Variants in CFAP251 observed in about 807,000 individuals in gnomAD.
CFAP251 encodes the protein cilia and flagella associated protein 251, also known as cilia- and flagella-associated protein 251.
CFAP251 carries 93 observed loss-of-function variants against 126.7 expected under a neutral mutation model. The observed-to-expected ratio is 0.73, with a 90% CI of 0.62 to 0.87. The LOEUF (loss-of-function observed/expected upper bound fraction) is 0.87. Ranked by LOEUF, CFAP251 falls within the 40% of genes least tolerant of loss-of-function variation. The pLI is 0.00. For synonymous variants in CFAP251, 503 were observed against 506.9 expected (o/e 0.99, Z 0.10); for missense variants, 1,287 against 1,389.2 (o/e 0.93, Z 1.17).
At position 121,957,066 on chromosome 12, in the gene CFAP251, C is replaced by T; in HGVS notation, c.1536-8C>T. The stretch of plus-strand genomic sequence containing the variant: ...TATTTGCAAAACTGATGTTATTCTC[C>T]ATTTCAGCTACATTGTCACAGGTGA... On this transcript the variant is annotated splice_region_variant and splice_polypyrimidine_tract_variant and intron_variant, in intron 10 of 21. Coordinates refer to ENST00000288912, the MANE Select transcript of CFAP251 (RefSeq NM_144668.6). 6.4e-7 allele frequency: 1 copy of T among 1,570,156 alleles called. No individual in the cohort carries two copies. The highest frequency in any genetic ancestry group is 8.6e-7 in the Non-Finnish European group (1 of 1,158,896).
intron 16 of CFAP251, among the ~76,000 whole-genome samples, chr12:121,967,696 C>T (rs1048119509): frequency 2.6e-5 from 4 of 151,952 alleles, no homozygotes; most frequent in East Asian, 1.9e-4. Flanking sequence ...AGTGAGACTC[C>T]GTCAAAAAAA....
intron 17 of CFAP251, among the ~76,000 whole-genome samples, chr12:121,973,245 C>T (rs1041451096): frequency 3.3e-5 from 5 of 152,296 alleles, no homozygotes; most frequent in South Asian, 2.1e-4. Context: ...GCTTTCATGA[C>T]GTGTTGAGCC....
Position 121,921,542 on chromosome 12 carries a change from A to G in CFAP251, c.237A>G (p.Glu79=). ...AGATTGTCATGGAAGAAACTGAGGAAAAGGCTGGAGAAGTCCAAGAGAAGG... is the reference window on the plus strand; with the variant it reads ...AGATTGTCATGGAAGAAACTGAGGAGAAGGCTGGAGAAGTCCAAGAGAAGG... ...DKKIVMEETE[E]KAGEVQEKEA... The change falls in exon 2 of 22, where the codon GAA becomes GAG. Residue 79 remains glutamate, a synonymous_variant. Transcript: ENST00000288912. 6.2e-7 allele frequency: 1 copy of G among 1,613,696 alleles called. No homozygotes were observed. Among genetic ancestry groups the G allele is most frequent in the Non-Finnish European group, 8.5e-7 (1 of 1,179,940 alleles).
Position 121,968,124 on chromosome 12 carries a change from CG to C in CFAP251, c.2729del (p.Gly910GlufsTer14). On this transcript the variant is annotated frameshift_variant, in exon 17 of 22. Transcript: ENST00000288912. LOFTEE classifies it high-confidence loss of function. ...VSYDGCYAFT[A>X]GGHDRSVVQW... is the part of the protein sequence containing the mutation. The stretch of plus-strand genomic sequence containing the variant: ...TATGATGGCTGCTACGCCTTCACTG[CG>C]GGAGGGCACGATCGCTCGGTGGTGC... 1 of 1,612,796 alleles carries C rather than the reference CG, an allele frequency of 6.2e-7. No individual in the cohort carries two copies. Among genetic ancestry groups the C allele is most frequent in the Non-Finnish European group, 8.5e-7 (1 of 1,179,014 alleles).
intron 7 of CFAP251, chr12:121,948,377 A>G (rs1481245623): frequency 6.6e-6 from 1 of 152,154 alleles, no homozygotes; most frequent in Non-Finnish European, 1.5e-5. Context: ...TGCTTGTTCC[A>G]ATTTATTTTA....
chr12:121,961,887 A>G, intron 14 of CFAP251, 91 bp from the exon 15 acceptor site: 1 of 1,341,572 alleles, frequency 7.5e-7, no homozygotes. Context: ...GCTGATAATT[A>G]TAAAGGCTGT....
At chr12:121,943,914 A>G (rs1276882150) in intron 7 of CFAP251, among the ~76,000 whole-genome samples, 1 of 152,184 alleles carries the variant, frequency 6.6e-6, no homozygotes, top group Non-Finnish European at 1.5e-5. Flanking sequence ...ATTATTAAAT[A>G]ATTTGTCTAA....
chr12:121,959,950 A>AC (rs1565913643), intron 13 of CFAP251, among the ~76,000 whole-genome samples: 1 of 151,490 alleles, frequency 6.6e-6, no homozygotes, highest in South Asian at 2.1e-4. Context: ...ATGGTGAGAC[A>AC]CCCCCCATCT....
chr12:121,981,807 G>C (rs1409770115), intron 19 of CFAP251, among the ~76,000 whole-genome samples: 1 of 152,172 alleles, frequency 6.6e-6, no homozygotes, highest in Non-Finnish European at 1.5e-5. Context: ...AGGCAGCTCT[G>C]GGTTTGAATC....
intron 5 of CFAP251, among the ~76,000 whole-genome samples, chr12:121,941,799 A>C (rs1186196872): frequency 6.6e-6 from 1 of 152,196 alleles, no homozygotes; most frequent in Non-Finnish European, 1.5e-5. Context: ...CCTAGGAAAA[A>C]GTCGTAAGGG....
At chr12:121,941,386 TGCGGTG>T (rs1027232241) in intron 5 of CFAP251, among the ~76,000 whole-genome samples, 11 of 132,742 alleles carry the variant, frequency 8.3e-5, no homozygotes, top group Non-Finnish European at 7.7e-5. Flanking sequence ...CAGGCTGGAG[TGCGGTG>T]GCGTGATCTT....
At chr12:121,969,448 C>T (rs971164391) in intron 17 of CFAP251, 1 of 985,040 alleles carries the variant, frequency 1.0e-6, no homozygotes, top group Non-Finnish European at 1.2e-6. Context: ...ACCATGGGGG[C>T]AAGCCACACC....
At chr12:121,927,418 C>T (rs1395095753) in intron 3 of CFAP251, among the ~76,000 whole-genome samples, 1 of 152,016 alleles carries the variant, frequency 6.6e-6, no homozygotes, top group Non-Finnish European at 1.5e-5. Context: ...CTGCCTCAGC[C>T]TCTCATGTAG....
At chr12:121,952,073 G>C (rs1881549313) in intron 9 of CFAP251, among the ~76,000 whole-genome samples, 1 of 151,656 alleles carries the variant, frequency 6.6e-6, no homozygotes, top group Middle Eastern at 3.2e-3. Context: ...ATAAAAACGT[G>C]ATGGCTTTTA....
intron 5 of CFAP251, among the ~76,000 whole-genome samples, chr12:121,937,536 A>G (rs1880942133): frequency 6.6e-6 from 1 of 152,204 alleles, no homozygotes; most frequent in Non-Finnish European, 1.5e-5. Context: ...CCAGGCCATG[A>G]TAGAGGATCC....
intron 20 of CFAP251, among the ~76,000 whole-genome samples, chr12:122,000,539 G>A (rs1406601532): frequency 5.1e-5 from 7 of 135,984 alleles, no homozygotes; most frequent in African/African-American, 1.3e-4. Flanking sequence ...GTGACAGAGC[G>A]AGACTGTCAA....
At chr12:121,976,255 C>T (rs1427569168) in intron 19 of CFAP251, among the ~76,000 whole-genome samples, 9 of 152,094 alleles carry the variant, frequency 5.9e-5, no homozygotes, top group Non-Finnish European at 1.0e-4. Flanking sequence ...GTGATCTGCC[C>T]GCCTCGGCCT....
rs761164559 is a variant in CFAP251, at chr12:121,931,847, C to T, written c.849C>T (p.Ile283=). The T allele has an allele frequency of 6.2e-7, 1 of 1,603,500 alleles. No individual in the cohort carries two copies. Among genetic ancestry groups the T allele is most frequent in the Admixed American group, 1.7e-5 (1 of 58,158 alleles). Residue 283 remains isoleucine (I), a synonymous_variant, in exon 4 of 22, where the codon ATC becomes ATT. Transcript: ENST00000288912. ...VLLYVCAHTA[I]IYNVFRNNQY... ...TGTATGTTTGTGCTCACACTGCGAT[C>T]ATCTACAACGTGTTCAGGAACAATC...
At chr12:121,964,544 T>G (rs1220476788) in intron 15 of CFAP251, among the ~76,000 whole-genome samples, 3 of 152,212 alleles carry the variant, frequency 2.0e-5, no homozygotes, top group Non-Finnish European at 4.4e-5. Flanking sequence ...CAATCTGAAA[T>G]TAGCATAAAG....
Sources: gnomAD v4.1 joint callset for allele counts (sites outside exome capture counted in the v4.1 genomes callset) on GRCh38, gnomAD v4.1.1 for gene constraint, MANE v1.5 for transcripts, NCBI Gene and HGNC (gene_info 2026-07-23, HGNC 2026-07-21) for gene names.